TBC1D5: variants seen among roughly 807,000 people sequenced by gnomAD.
TBC1D5 encodes the protein TBC1 domain family member 5, also known as TBC1 domain family, member 5.
Under a neutral mutation model 100.3 loss-of-function variants are expected in TBC1D5, and 75 were observed. The observed-to-expected ratio is 0.75, with a 90% CI of 0.62 to 0.91. The LOEUF (loss-of-function observed/expected upper bound fraction) is 0.91. TBC1D5 is among the 40% of genes least tolerant of loss of function. The probability of loss-of-function intolerance (pLI) is 0.00; values close to 1 mark genes in which losing one functional copy is unlikely to be tolerated. For synonymous variants in TBC1D5, 323 were observed against 325.6 expected, an observed-to-expected ratio of 0.99 and a Z score of 0.09; for missense variants, 910 against 942.4, an observed-to-expected ratio of 0.97 and a Z score of 0.45.
intron 2 of TBC1D5, among the ~76,000 whole-genome samples, chr3:17,570,599 C>T (rs1010611806): frequency 2.6e-5 from 4 of 152,028 alleles, no homozygotes; most frequent in Non-Finnish European, 5.9e-5. Context: ...TACCTATCTA[C>T]ATCTACTAGA....
intron 18 of TBC1D5, among the ~76,000 whole-genome samples, chr3:17,202,109 T>C (rs147119463): frequency 2.6e-5 from 4 of 152,196 alleles, no homozygotes; most frequent in South Asian, 4.1e-4. Flanking sequence ...ATATAGGCAA[T>C]GAAGTCCAGG....
chr3:17,343,586 C>T (rs1229488532), intron 13 of TBC1D5, among the ~76,000 whole-genome samples: 2 of 149,608 alleles, frequency 1.3e-5, no homozygotes, highest in Admixed American at 1.3e-4. Context: ...GGCTGTGAAT[C>T]CATCTGGTCC....
chr3:17,455,185 T>C (rs2095030591), intron 3 of TBC1D5, among the ~76,000 whole-genome samples: 1 of 127,624 alleles, frequency 7.8e-6, no homozygotes, highest in African/African-American at 3.5e-5. Context: ...CACACACACG[T>C]GTGTGTGTAT....
intron 13 of TBC1D5, among the ~76,000 whole-genome samples, chr3:17,368,177 T>C (rs1238108153): frequency 6.6e-6 from 1 of 152,140 alleles, no homozygotes; most frequent in East Asian, 1.9e-4. Context: ...AGATTTCATG[T>C]GGACTTATTC....
chr3:17,321,787 A>G (rs1157260257), intron 13 of TBC1D5, among the ~76,000 whole-genome samples: 1 of 152,230 alleles, frequency 6.6e-6, no homozygotes, highest in Admixed American at 6.5e-5. Flanking sequence ...TTTGTAAAAA[A>G]TGTGAACTAT....
chr3:17,302,563 C>A (rs531136708), intron 14 of TBC1D5, among the ~76,000 whole-genome samples: 1 of 152,142 alleles, frequency 6.6e-6, no homozygotes, highest in Non-Finnish European at 1.5e-5. Context: ...TGAATCTTAT[C>A]TATTTTTGGG....
chr3:17,192,934 C>T (rs917194784), intron 18 of TBC1D5, among the ~76,000 whole-genome samples: 5 of 152,226 alleles, frequency 3.3e-5, no homozygotes, highest in Non-Finnish European at 5.9e-5. Context: ...TTTCCTTCTA[C>T]CCCACATCCT....
chr3:17,528,515 G>C (rs1252622617), intron 2 of TBC1D5, among the ~76,000 whole-genome samples: 2 of 152,078 alleles, frequency 1.3e-5, no homozygotes, highest in Non-Finnish European at 2.9e-5. Context: ...ATAAATCTCT[G>C]TTCCTTGTAA....
intron 1 of TBC1D5, among the ~76,000 whole-genome samples, chr3:17,640,133 A>G (rs962358207): frequency 1.3e-5 from 2 of 152,166 alleles, no homozygotes; most frequent in African/African-American, 4.8e-5. Flanking sequence ...GTCCACCAGT[A>G]TAACAATAAA....
intron 9 of TBC1D5, among the ~76,000 whole-genome samples, chr3:17,380,045 A>ATGTGTG (rs3041142): frequency 0.076 from 8,499 of 112,152 alleles, 357 homozygotes; most frequent in East Asian, 0.2. Context: ...GTGACTGTGT[A>ATGTGTG]TGTGTGTGTG....
intron 13 of TBC1D5, among the ~76,000 whole-genome samples, chr3:17,345,277 T>C (rs1169758788): frequency 3.9e-5 from 6 of 152,082 alleles, no homozygotes; most frequent in South Asian, 2.1e-4. Context: ...ACAGACACTT[T>C]CCAAAAGAAG....
intron 1 of TBC1D5, among the ~76,000 whole-genome samples, chr3:17,718,374 G>C (rs2075408264): frequency 6.6e-6 from 1 of 152,146 alleles, no homozygotes; most frequent in Non-Finnish European, 1.5e-5. Flanking sequence ...GGCGGGGGCA[G>C]ATCATGAGGT....
intron 2 of TBC1D5, among the ~76,000 whole-genome samples, chr3:17,598,520 T>A (rs2060721023): frequency 6.6e-6 from 1 of 152,220 alleles, no homozygotes; most frequent in Admixed American, 6.5e-5. Flanking sequence ...AGTTCTTTTT[T>A]TTAAATCTAT....
At chr3:17,189,029 T>C (rs984213630) in intron 18 of TBC1D5, among the ~76,000 whole-genome samples, 2 of 152,210 alleles carry the variant, frequency 1.3e-5, no homozygotes, top group Non-Finnish European at 2.9e-5. Context: ...TGGGTTCACA[T>C]CCTATTTTTC....
intron 2 of TBC1D5, among the ~76,000 whole-genome samples, chr3:17,516,984 A>G (rs1398333387): frequency 2.0e-5 from 3 of 152,296 alleles, no homozygotes; most frequent in Middle Eastern, 3.4e-3. Flanking sequence ...TCTGCTCTTC[A>G]TATCATTCAG....
At chr3:17,663,711 G>T (rs1208170543) in intron 1 of TBC1D5, among the ~76,000 whole-genome samples, 1 of 152,114 alleles carries the variant, frequency 6.6e-6, no homozygotes, top group East Asian at 1.9e-4. Flanking sequence ...TGGAAATAAT[G>T]AGGGATATAC....
intron 20 of TBC1D5, 54 bp downstream of exon 21, chr3:17,167,695 C>T: frequency 3.3e-6 from 5 of 1,528,774 alleles, no homozygotes; most frequent in Non-Finnish European, 4.5e-6. Context: ...CCCTGGGGGG[C>T]CCTCCCCGCG....
intron 1 of TBC1D5, among the ~76,000 whole-genome samples, chr3:17,637,405 G>A (rs191347437): frequency 3.3e-5 from 5 of 151,100 alleles, no homozygotes; most frequent in African/African-American, 1.2e-4. Flanking sequence ...GAGTTTCTAT[G>A]GATGTTTTCA....
At chr3:17,160,350 CT>C (rs1359590477) in exon 22 of TBC1D5, 1 of 152,154 alleles carries the variant, frequency 6.6e-6, no homozygotes, top group Non-Finnish European at 1.5e-5. Context: ...ATCCTTATAA[CT>C]TTGAGAGGTC....
Sources: allele counts gnomAD v4.1 joint callset (sites outside exome capture counted in the v4.1 genomes callset), GRCh38; gene constraint gnomAD v4.1.1; transcripts MANE v1.5; gene names NCBI Gene and HGNC (gene_info 2026-07-23, HGNC 2026-07-21).